Variants in RORA observed in about 807,000 individuals in gnomAD.
The protein encoded by RORA is nuclear receptor ROR-alpha.
In RORA, 7 loss-of-function variants were observed where a neutral mutation model predicts 69.5. That is an observed-to-expected ratio of 0.10 (90% CI 0.06 to 0.19). The LOEUF (loss-of-function observed/expected upper bound fraction) is 0.19, where lower values mean the gene tolerates loss of function less well. Ranked by LOEUF, RORA falls within the 10% of genes least tolerant of loss-of-function variation. The pLI is 1.00. For missense variants in RORA, 457 were observed against 663.0 expected, an observed-to-expected ratio of 0.69 and a Z score of 3.41; for synonymous variants, 261 against 240.8, an observed-to-expected ratio of 1.08 and a Z score of -0.78.
intron 1 of RORA, among the ~76,000 whole-genome samples, chr15:60,679,211 G>A (rs1456070010): frequency 6.6e-6 from 1 of 152,164 alleles, no homozygotes; most frequent in Non-Finnish European, 1.5e-5. Context: ...CTATGTGTCT[G>A]TACTCATTAA....
At chr15:60,925,007 A>T (rs1323982793) in intron 1 of RORA, among the ~76,000 whole-genome samples, 1 of 152,074 alleles carries the variant, frequency 6.6e-6, no homozygotes, top group Non-Finnish European at 1.5e-5. Flanking sequence ...TGAACCCAGG[A>T]GGCAGAGGTT....
At chr15:60,936,981 TA>T (rs935769255) in intron 1 of RORA, among the ~76,000 whole-genome samples, 1 of 152,220 alleles carries the variant, frequency 6.6e-6, no homozygotes, top group African/African-American at 2.4e-5. Flanking sequence ...ATAGGTCTTA[TA>T]TTTTTTTTTA....
At chr15:61,051,364 C>T (rs978852864) in intron 1 of RORA, among the ~76,000 whole-genome samples, 1 of 152,144 alleles carries the variant, frequency 6.6e-6, no homozygotes, top group African/African-American at 2.4e-5. Flanking sequence ...GAGATAAGCA[C>T]GCTTTGTGGG....
rs1023457835 is a variant in RORA at position 60,623,941 on chromosome 15, G to A, written c.196+54716C>T. On this transcript the variant is annotated intron_variant, in intron 2 of 10. Transcript: ENST00000335670. ...TCTGTATCTGAAATATGAGATGATA[G>A]TTGCCAACATTTTCCCACTAAAATT... 2.9e-4 allele frequency among the ~76,000 whole-genome samples: 44 copies of A among 151,528 alleles called. 1 individual carries two copies. The highest frequency in any genetic ancestry group is 1.0e-3 in the African/African-American group (42 of 41,350).
At chr15:60,839,615 C>T (rs1048070509) in intron 1 of RORA, among the ~76,000 whole-genome samples, 3 of 152,164 alleles carry the variant, frequency 2.0e-5, no homozygotes, top group East Asian at 1.9e-4. Context: ...GTACAGTGCA[C>T]GTGGCAGAGA....
intron 2 of RORA, among the ~76,000 whole-genome samples, chr15:60,570,562 A>G (rs991566354): frequency 1.3e-5 from 2 of 152,002 alleles, no homozygotes; most frequent in Non-Finnish European, 2.9e-5. Context: ...GTTGCCCATG[A>G]TGGTCTTGAA....
chr15:60,633,276 G>A (rs339965), intron 2 of RORA, among the ~76,000 whole-genome samples: 77,872 of 152,090 alleles, frequency 0.51, 20,472 homozygotes, highest in East Asian at 0.73. Context: ...GAAGGTGAAC[G>A]TGTGCCAGTT....
intron 2 of RORA, among the ~76,000 whole-genome samples, chr15:60,597,556 AT>A (rs1567115180): frequency 1.3e-3 from 29 of 22,232 alleles, no homozygotes; most frequent in East Asian, 3.0e-3. Context: ...CACAACATAT[AT>A]ATATATATAT....
At chr15:60,635,668 G>A (rs2069821875) in intron 2 of RORA, among the ~76,000 whole-genome samples, 1 of 152,188 alleles carries the variant, frequency 6.6e-6, no homozygotes, top group Admixed American at 6.5e-5. Context: ...GGATAGAGGA[G>A]CTTTCATCCA....
At chr15:60,684,574 G>A (rs1227234494) in intron 1 of RORA, among the ~76,000 whole-genome samples, 2 of 152,096 alleles carry the variant, frequency 1.3e-5, no homozygotes, top group Admixed American at 1.3e-4. Context: ...TTGAGATCAC[G>A]CCACTGCACT....
intron 1 of RORA, among the ~76,000 whole-genome samples, chr15:61,137,087 GA>G (rs1410352358): frequency 3.4e-5 from 5 of 145,326 alleles, no homozygotes; most frequent in Non-Finnish European, 6.0e-5. Context: ...AAGAAAGAAA[GA>G]AAGAAAGAAA....
At chr15:60,917,795 T>C (rs2140486216) in intron 1 of RORA, among the ~76,000 whole-genome samples, 1 of 152,344 alleles carries the variant, frequency 6.6e-6, no homozygotes, top group Admixed American at 6.5e-5. Context: ...CGGCCCTTAT[T>C]TCCTGATGGA....
intron 1 of RORA, among the ~76,000 whole-genome samples, chr15:60,826,776 T>C (rs1466884945): frequency 1.8e-5 from 2 of 114,132 alleles, no homozygotes; most frequent in African/African-American, 2.7e-5. Context: ...CCTCTCTCTC[T>C]CTCTCTCTCT....
chr15:60,943,397 A>C (rs1297711298), intron 1 of RORA, among the ~76,000 whole-genome samples: 2 of 151,300 alleles, frequency 1.3e-5, no homozygotes, highest in Non-Finnish European at 2.9e-5. Flanking sequence ...CACTCTTCTG[A>C]GGCACTCTTG....
intron 1 of RORA, among the ~76,000 whole-genome samples, chr15:60,718,183 G>A (rs2071245160): frequency 6.6e-6 from 1 of 152,086 alleles, no homozygotes. Flanking sequence ...CAACATATAG[G>A]CAAAAGAAAT....
intron 1 of RORA, among the ~76,000 whole-genome samples, chr15:60,936,525 T>C (rs1357230529): frequency 1.3e-5 from 2 of 152,158 alleles, no homozygotes; most frequent in South Asian, 2.1e-4. Context: ...GAAGTGAAAA[T>C]GTTTGCCTCG....
At chr15:61,182,909 T>C (rs1294518661) in intron 1 of RORA, 16 of 152,316 alleles carry the variant, frequency 1.1e-4, no homozygotes, top group Admixed American at 1.0e-3. Flanking sequence ...GGGCCTTCTA[T>C]AACGTTCCTA....
intron 6 of RORA, among the ~76,000 whole-genome samples, chr15:60,505,198 T>G (rs900445240): frequency 6.6e-6 from 1 of 152,242 alleles, no homozygotes; most frequent in African/African-American, 2.4e-5. Flanking sequence ...ATCTTGATTG[T>G]GATATTGAGA....
chr15:60,532,691 T>G (rs942852225), intron 2 of RORA, among the ~76,000 whole-genome samples: 2 of 152,156 alleles, frequency 1.3e-5, no homozygotes, highest in Admixed American at 6.5e-5. Context: ...TAAGGAATAA[T>G]TAGGCAAAAG....
Sources: allele counts gnomAD v4.1 joint callset (sites outside exome capture counted in the v4.1 genomes callset), GRCh38; gene constraint gnomAD v4.1.1; transcripts MANE v1.5; gene names NCBI Gene and HGNC (gene_info 2026-07-23, HGNC 2026-07-21).